The following NXPE1 variants were observed in gnomAD, a reference collection of about 807,000 sequenced individuals.
NXPE1 encodes the protein neurexophilin and PC-esterase domain family member 1.
Under a neutral mutation model 33.3 loss-of-function variants are expected in NXPE1, and 31 were observed. That is an observed-to-expected ratio of 0.93 (90% CI 0.70 to 1.26). The LOEUF is 1.26. Ranked by LOEUF, NXPE1 falls within the 50% of genes most tolerant of loss-of-function variation. NXPE1 has a pLI of 0.00. For synonymous variants in NXPE1, 229 were observed against 231.4 expected (o/e 0.99, Z 0.09); for missense variants, 661 against 655.6 (o/e 1.01, Z -0.09).
intron 5 of NXPE1, among the ~76,000 whole-genome samples, chr11:114,547,857 T>A (rs1220794140): frequency 1.3e-5 from 2 of 152,212 alleles, no homozygotes; most frequent in Non-Finnish European, 2.9e-5. Flanking sequence ...AGTATCAGTA[T>A]GGTTTTATTG....
intron 1 of NXPE1, among the ~76,000 whole-genome samples, chr11:114,558,117 C>T (rs954256024): frequency 1.3e-5 from 2 of 151,788 alleles, no homozygotes; most frequent in African/African-American, 4.8e-5. Flanking sequence ...CAAAAGGAGA[C>T]TATAAGCAAG....
intron 6 of NXPE1, among the ~76,000 whole-genome samples, chr11:114,528,192 C>G (rs1452137597): frequency 6.6e-6 from 1 of 152,162 alleles, no homozygotes; most frequent in African/African-American, 2.4e-5. Flanking sequence ...AAGTTCTCTT[C>G]TCTCTTTCTG....
chr11:114,536,166 C>G (rs1017158201), intron 5 of NXPE1, among the ~76,000 whole-genome samples: 12 of 152,192 alleles, frequency 7.9e-5, no homozygotes, highest in African/African-American at 2.4e-4. Flanking sequence ...ACTGAACAAC[C>G]TGCTTCTGAA....
intron 5 of NXPE1, among the ~76,000 whole-genome samples, chr11:114,540,885 TGG>T (rs1948074711): frequency 4.9e-5 from 4 of 81,288 alleles, no homozygotes; most frequent in East Asian, 4.3e-4. Flanking sequence ...TTTTTTTTTT[TGG>T]CTTGAACAAC....
chr11:114,531,375 C>T (rs914556591), intron 5 of NXPE1, among the ~76,000 whole-genome samples: 25 of 152,266 alleles, frequency 1.6e-4, no homozygotes, highest in Admixed American at 1.4e-3. Context: ...AGCTGTATCA[C>T]AGTTCAAGCC....
At chr11:114,530,370 G>A (rs764426418) in exon 6 of NXPE1, 2 of 1,614,164 alleles carry the variant, frequency 1.2e-6, no homozygotes, top group East Asian at 2.2e-5. Flanking sequence ...GACATGAGAG[G>A]TGCCATTAAC....
At chr11:114,543,963 C>T (rs1171360976) in intron 5 of NXPE1, among the ~76,000 whole-genome samples, 1 of 151,676 alleles carries the variant, frequency 6.6e-6, no homozygotes, top group Non-Finnish European at 1.5e-5. Context: ...TTTGAAATTA[C>T]AAAAAAGAAA....
At chr11:114,554,163 C>T (rs1343786831) in intron 1 of NXPE1, 5 of 985,244 alleles carry the variant, frequency 5.1e-6, no homozygotes, top group African/African-American at 3.5e-5. Context: ...GTACAGAGCC[C>T]GCTAGTTGTC....
intron 8 of NXPE1, 105 bp from the exon 9 acceptor site, chr11:114,522,608 C>T (rs1947248463): frequency 1.0e-6 from 1 of 953,456 alleles, no homozygotes; most frequent in Non-Finnish European, 1.5e-6. Context: ...GATAATTGCT[C>T]ACTGGAGCCT....
At chr11:114,523,089 T>C in exon 8 of NXPE1, 1 of 1,609,762 alleles carries the variant, frequency 6.2e-7, no homozygotes, top group African/African-American at 1.3e-5. Flanking sequence ...ATTTTTTCTC[T>C]CTCTGGTAAC....
intron 7 of NXPE1, among the ~76,000 whole-genome samples, 174 bp downstream of exon 7, chr11:114,527,666 C>G (rs1021293478): frequency 6.6e-6 from 1 of 152,178 alleles, no homozygotes; most frequent in African/African-American, 2.4e-5. Flanking sequence ...ATGTAATCTC[C>G]TATAAACATT....
intron 7 of NXPE1, among the ~76,000 whole-genome samples, chr11:114,524,954 G>T (rs918339288): frequency 6.6e-6 from 1 of 151,986 alleles, no homozygotes; most frequent in Admixed American, 6.6e-5. Flanking sequence ...GATTAACCCC[G>T]GTTTATCTAG....
At chr11:114,527,861 T>G in exon 7 of NXPE1, 1 of 1,607,684 alleles carries the variant, frequency 6.2e-7, no homozygotes, top group Non-Finnish European at 8.5e-7. Flanking sequence ...GTGACATCAA[T>G]GTGTTTACGA....
At position 114,522,138 on chromosome 11, in the gene NXPE1, C is replaced by A. The variant is rs770778384; in HGVS notation, c.1474G>T (p.Asp492Tyr). Residue 492 changes from aspartate (D) to tyrosine (Y), a missense_variant, in exon 9 of 9, where the codon GAC (aspartate) becomes TAC (tyrosine). By Grantham distance (160) the Asp-to-Tyr change is radical (BLOSUM62 -3). Coordinates refer to ENST00000534921, the Ensembl canonical transcript of NXPE1. ...AGATAGTGAATATAACCATGGAAGTCTCCAAACCTCTCTGTCTCTATGTGC... is the reference window on the plus strand; with the variant it reads ...AGATAGTGAATATAACCATGGAAGTATCCAAACCTCTCTGTCTCTATGTGC... The A allele has an allele frequency of 4.3e-6, 7 of 1,613,928 alleles. No homozygotes were observed. The South Asian group carries it at 7.7e-5, about 18-fold the overall frequency.
intron 5 of NXPE1, among the ~76,000 whole-genome samples, chr11:114,534,691 G>A (rs1283854988): frequency 6.6e-6 from 1 of 152,190 alleles, no homozygotes; most frequent in Non-Finnish European, 1.5e-5. Flanking sequence ...ATCAGTGATG[G>A]AAGACGAAAT....
At chr11:114,557,663 AT>A (rs1948687702) in intron 1 of NXPE1, among the ~76,000 whole-genome samples, 15 of 102,752 alleles carry the variant, frequency 1.5e-4, no homozygotes, top group Middle Eastern at 4.8e-3. Flanking sequence ...ATATATATAT[AT>A]ATATATATAA....
At chr11:114,529,079 AT>A (rs1306431553) in intron 6 of NXPE1, 150 of 357,214 alleles carry the variant, frequency 4.2e-4, no homozygotes, top group Middle Eastern at 7.3e-4. Flanking sequence ...CTCTTAGCAT[AT>A]TTTTTTTGAA....
At chr11:114,546,651 C>T (rs904834722) in intron 5 of NXPE1, among the ~76,000 whole-genome samples, 2 of 151,906 alleles carry the variant, frequency 1.3e-5, no homozygotes, top group Non-Finnish European at 2.9e-5. Flanking sequence ...AAAGACACCC[C>T]AATAGTAACA....
chr11:114,541,092 T>C (rs558221104), intron 5 of NXPE1, among the ~76,000 whole-genome samples: 1 of 152,122 alleles, frequency 6.6e-6, no homozygotes, highest in South Asian at 2.1e-4. Context: ...GATTTACTTA[T>C]AACCACAGGT....
Sources: gnomAD v4.1 joint callset for allele counts (sites outside exome capture counted in the v4.1 genomes callset) on GRCh38, gnomAD v4.1.1 for gene constraint, MANE v1.5 for transcripts, NCBI Gene and HGNC (gene_info 2026-07-23, HGNC 2026-07-21) for gene names.